ATRNL1: variants seen among roughly 807,000 people sequenced by gnomAD.
ATRNL1 encodes the protein attractin like 1, also known as attractin-like protein 1.
Under a neutral mutation model 182.7 loss-of-function variants are expected in ATRNL1, and 95 were observed. The ratio of observed to expected loss-of-function variants is 0.52; its 90% CI spans 0.44 to 0.62. The LOEUF (loss-of-function observed/expected upper bound fraction) is 0.62, where lower values mean the gene tolerates loss of function less well. Among genes scored for constraint, ATRNL1 ranks in the 20% least tolerant of loss-of-function variants. ATRNL1 has a pLI of 0.00. For synonymous variants in ATRNL1, 576 were observed against 568.3 expected, an observed-to-expected ratio of 1.01 and a Z score of -0.19; for missense variants, 1,471 against 1,679.5, an observed-to-expected ratio of 0.88 and a Z score of 2.17.
At chr10:115,629,238 T>C (rs1263997412) in intron 26 of ATRNL1, among the ~76,000 whole-genome samples, 3 of 152,180 alleles carry the variant, frequency 2.0e-5, no homozygotes, top group Non-Finnish European at 4.4e-5. Flanking sequence ...ATACTGTCTT[T>C]ACTCTCAAGG....
chr10:115,616,599 G>A (rs143874248), intron 26 of ATRNL1, among the ~76,000 whole-genome samples: 4 of 152,166 alleles, frequency 2.6e-5, no homozygotes, highest in Non-Finnish European at 5.9e-5. Flanking sequence ...AGGAAAGAAT[G>A]CTTCCATGGG....
intron 27 of ATRNL1, among the ~76,000 whole-genome samples, chr10:115,738,203 A>T (rs1948032361): frequency 8.2e-6 from 1 of 122,124 alleles, no homozygotes; most frequent in Admixed American, 1.1e-4. Flanking sequence ...CACTGGCACG[A>T]TCTCGGCTCA....
chr10:115,520,427 T>C (rs764826184), intron 25 of ATRNL1, among the ~76,000 whole-genome samples: 2 of 152,234 alleles, frequency 1.3e-5, no homozygotes, highest in Non-Finnish European at 2.9e-5. Flanking sequence ...TCATCGCATC[T>C]ATGCAACTTT....
intron 26 of ATRNL1, among the ~76,000 whole-genome samples, chr10:115,651,888 G>C (rs1245266368): frequency 6.6e-6 from 1 of 152,030 alleles, no homozygotes; most frequent in Non-Finnish European, 1.5e-5. Context: ...TAGAGAATTT[G>C]TAATTGGCCA....
intron 19 of ATRNL1, among the ~76,000 whole-genome samples, chr10:115,392,572 AT>A (rs1281143978): frequency 4.6e-5 from 7 of 151,936 alleles, no homozygotes; most frequent in Non-Finnish European, 8.8e-5. Flanking sequence ...TGGCTCAATA[AT>A]TTTTTTGATC....
chr10:115,856,035 T>C (rs1555101865), intron 28 of ATRNL1, among the ~76,000 whole-genome samples: 1 of 152,180 alleles, frequency 6.6e-6, no homozygotes, highest in Non-Finnish European at 1.5e-5. Flanking sequence ...CTTTGAATCT[T>C]ATGGAAATGT....
intron 19 of ATRNL1, among the ~76,000 whole-genome samples, chr10:115,356,033 C>T (rs782539704): frequency 5.9e-5 from 9 of 152,038 alleles, no homozygotes; most frequent in East Asian, 1.9e-4. Flanking sequence ...CTTTTACAGA[C>T]GTGTTTAATA....
chr10:115,363,024 G>C (rs1338193616), intron 19 of ATRNL1, among the ~76,000 whole-genome samples: 2 of 151,768 alleles, frequency 1.3e-5, no homozygotes, highest in Non-Finnish European at 2.9e-5. Flanking sequence ...ACAGTCCTTT[G>C]GGTATATACC....
intron 10 of ATRNL1, among the ~76,000 whole-genome samples, chr10:115,250,555 A>G (rs1554905175): frequency 6.6e-6 from 1 of 152,184 alleles, no homozygotes; most frequent in East Asian, 1.9e-4. Flanking sequence ...GGCAGCCTTT[A>G]ATGTCTTCCA....
At chr10:115,661,581 T>G (rs1555037757) in intron 26 of ATRNL1, among the ~76,000 whole-genome samples, 1 of 152,160 alleles carries the variant, frequency 6.6e-6, no homozygotes, top group African/African-American at 2.4e-5. Context: ...ACCCTATATC[T>G]CACCTGTTCT....
chr10:115,819,456 G>A (rs1417484151), intron 27 of ATRNL1, among the ~76,000 whole-genome samples: 1 of 152,040 alleles, frequency 6.6e-6, no homozygotes, highest in Non-Finnish European at 1.5e-5. Flanking sequence ...CAAAATATTT[G>A]TTAAGTAAAT....
chr10:115,698,565 G>A (rs1319526898), intron 26 of ATRNL1, among the ~76,000 whole-genome samples: 1 of 152,084 alleles, frequency 6.6e-6, no homozygotes, highest in East Asian at 1.9e-4. Context: ...AGATCACGAG[G>A]TCAAGAGATC....
At chr10:115,108,730 C>G (rs1844131567) in intron 1 of ATRNL1, among the ~76,000 whole-genome samples, 1 of 152,182 alleles carries the variant, frequency 6.6e-6, no homozygotes, top group Non-Finnish European at 1.5e-5. Context: ...CATGCAAGCT[C>G]TCAGCTTGCA....
chr10:115,765,650 A>G (rs1445864496), intron 27 of ATRNL1, among the ~76,000 whole-genome samples: 1 of 152,180 alleles, frequency 6.6e-6, no homozygotes, highest in East Asian at 1.9e-4. Context: ...AATGAAGTCT[A>G]GTTTATCAAT....
At chr10:115,351,709 A>C (rs1856258688) in intron 19 of ATRNL1, among the ~76,000 whole-genome samples, 1 of 140,960 alleles carries the variant, frequency 7.1e-6, no homozygotes, top group Admixed American at 7.1e-5. Flanking sequence ...CATCTTGTTC[A>C]TGAGTGATAT....
intron 28 of ATRNL1, among the ~76,000 whole-genome samples, chr10:115,856,952 C>T (rs1951203650): frequency 6.6e-6 from 1 of 152,064 alleles, no homozygotes; most frequent in African/African-American, 2.4e-5. Context: ...CATTTATATG[C>T]AGATTTTCTT....
chr10:115,725,567 C>G (rs1555059758), intron 26 of ATRNL1, among the ~76,000 whole-genome samples: 1 of 152,054 alleles, frequency 6.6e-6, no homozygotes, highest in African/African-American at 2.4e-5. Context: ...ATTGATAATA[C>G]AAATCTTAGA....
chr10:115,472,471 A>G (rs1848352087), intron 24 of ATRNL1, among the ~76,000 whole-genome samples: 1 of 151,062 alleles, frequency 6.6e-6, no homozygotes. Flanking sequence ...TCTTCCAATC[A>G]ATGAACATAG....
intron 27 of ATRNL1, among the ~76,000 whole-genome samples, chr10:115,798,791 A>G (rs1022959380): frequency 1.3e-5 from 2 of 150,952 alleles, no homozygotes; most frequent in Admixed American, 6.6e-5. Context: ...CTGTCCACCA[A>G]GTAATGAGGT....
Sources: allele counts gnomAD v4.1 joint callset (sites outside exome capture counted in the v4.1 genomes callset), GRCh38; gene constraint gnomAD v4.1.1; transcripts MANE v1.5; gene names NCBI Gene and HGNC (gene_info 2026-07-23, HGNC 2026-07-21).